The following LRIG1 variants were observed in gnomAD, a reference collection of about 807,000 sequenced individuals.
The protein encoded by LRIG1 is leucine rich repeats and immunoglobulin like domains 1.
Under a neutral mutation model 99.2 loss-of-function variants are expected in LRIG1, and 48 were observed. The ratio of observed to expected loss-of-function variants is 0.48; its 90% CI spans 0.38 to 0.62. The LOEUF (loss-of-function observed/expected upper bound fraction) is 0.62. Among genes scored for constraint, LRIG1 ranks in the 20% least tolerant of loss-of-function variants. The pLI is 0.00. For missense variants in LRIG1, 1,646 were observed against 1,434.4 expected (o/e 1.15, Z -2.38); for synonymous variants, 772 against 596.1 (o/e 1.29, Z -4.30).
intron 11 of LRIG1, among the ~76,000 whole-genome samples, chr3:66,394,516 A>G (rs897893237): frequency 7.9e-5 from 12 of 152,136 alleles, no homozygotes; most frequent in Non-Finnish European, 2.9e-5. Context: ...AGCAACGTGG[A>G]GCTTATCCAT....
Position 66,404,548 on chromosome 3 carries a change from T to C in LRIG1, c.1160+650A>G. 4.0e-6 allele frequency: 2 copies of C among 504,938 alleles called. 1 individual carries two copies. Among genetic ancestry groups the C allele is most frequent in the South Asian group, 6.7e-5 (2 of 29,888 alleles). The allele number at this position is 504,938 out of a possible 1,614,324, so 31.3% of individuals were successfully genotyped here. On this transcript the variant is annotated intron_variant, in intron 9 of 18. Transcript: ENST00000273261. ...ACAAGCAAATCCTGAGCCTGCCACT[T>C]GCCAGCCGTGTAGTTTTGGGCGAAA...
At chr3:66,493,061 A>T (rs1701140916) in intron 1 of LRIG1, among the ~76,000 whole-genome samples, 1 of 151,330 alleles carries the variant, frequency 6.6e-6, no homozygotes, top group Non-Finnish European at 1.5e-5. Flanking sequence ...ACAACTCCAC[A>T]ATTGTCTCCT....
intron 4 of LRIG1, among the ~76,000 whole-genome samples, chr3:66,416,809 GA>G (rs1702628842): frequency 6.6e-6 from 1 of 152,338 alleles, no homozygotes; most frequent in East Asian, 1.9e-4. Context: ...AAGGAAATGG[GA>G]AAAAAAGCAG....
chr3:66,485,620 A>G (rs1019479320), intron 1 of LRIG1, among the ~76,000 whole-genome samples: 4 of 152,342 alleles, frequency 2.6e-5, no homozygotes, highest in South Asian at 4.1e-4. Context: ...TACTGTTTAT[A>G]AATAGTTTAC....
At chr3:66,417,461 C>A (rs926114319) in intron 3 of LRIG1, 195 bp from the exon 4 acceptor site, 3 of 613,074 alleles carry the variant, frequency 4.9e-6, no homozygotes, top group Non-Finnish European at 8.4e-6. Context: ...GATTTTCAAT[C>A]TGGGACAAGT....
At chr3:66,467,000 A>G (rs1700486662) in intron 1 of LRIG1, among the ~76,000 whole-genome samples, 1 of 152,230 alleles carries the variant, frequency 6.6e-6, no homozygotes, top group Non-Finnish European at 1.5e-5. Flanking sequence ...AACTGAGCCC[A>G]GCAATAGATG....
intron 13 of LRIG1, 28 bp from the exon 14 acceptor site, chr3:66,384,300 G>A (rs763486836): frequency 1.9e-6 from 3 of 1,593,490 alleles, no homozygotes; most frequent in South Asian, 1.1e-5. Context: ...ACAGGGTCGG[G>A]TTACGGGACA....
chr3:66,396,925 C>A (rs1241658430), intron 11 of LRIG1, among the ~76,000 whole-genome samples: 1 of 152,144 alleles, frequency 6.6e-6, no homozygotes, highest in African/African-American at 2.4e-5. Flanking sequence ...GGAATCATCT[C>A]CTCCCCTGCT....
At chr3:66,470,597 G>C (rs1349343907) in intron 1 of LRIG1, among the ~76,000 whole-genome samples, 1 of 152,126 alleles carries the variant, frequency 6.6e-6, no homozygotes, top group East Asian at 1.9e-4. Context: ...TTAAGTCAAG[G>C]GTTATATAAA....
intron 3 of LRIG1, among the ~76,000 whole-genome samples, chr3:66,443,374 G>A (rs1030667289): frequency 6.6e-6 from 1 of 151,456 alleles, no homozygotes; most frequent in Admixed American, 6.6e-5. Context: ...GAGGGGGTGT[G>A]TGTGTGCACA....
chr3:66,403,946 C>G (rs946092508), intron 9 of LRIG1, among the ~76,000 whole-genome samples: 1 of 152,200 alleles, frequency 6.6e-6, no homozygotes, highest in African/African-American at 2.4e-5. Flanking sequence ...CTGCCCCACC[C>G]CACTTGGTAC....
intron 15 of LRIG1, among the ~76,000 whole-genome samples, chr3:66,382,762 G>C (rs549784345): frequency 6.6e-6 from 1 of 152,186 alleles, no homozygotes. Context: ...TGGTGCGTCA[G>C]TTACTTGTAT....
At chr3:66,386,398 C>A (rs570565778) in intron 12 of LRIG1, 97 bp from the exon 13 acceptor site, 3 of 1,053,152 alleles carry the variant, frequency 2.8e-6, no homozygotes, top group South Asian at 1.5e-5. Context: ...AGACACCAAG[C>A]AGGAACCAGA....
intron 3 of LRIG1, among the ~76,000 whole-genome samples, chr3:66,450,374 C>T (rs1458465116): frequency 2.6e-5 from 4 of 152,174 alleles, no homozygotes; most frequent in African/African-American, 9.7e-5. Flanking sequence ...CTCCCCCGGG[C>T]CTCACTTTCC....
chr3:66,381,022 G>C, intron 17 of LRIG1, 161 bp from the exon 18 acceptor site: 1 of 695,698 alleles, frequency 1.4e-6, no homozygotes. Flanking sequence ...CCAGAGAAAG[G>C]ACTGGGCAAA....
At position 66,500,345 on chromosome 3, in the gene LRIG1, G is replaced by C. The variant is rs1406826201; in HGVS notation, c.63C>G (p.Leu21=). Residue 21 remains leucine, a synonymous_variant, in exon 1 of 19, where the codon CTC becomes CTG. Transcript: ENST00000273261. ...GCTCCAGCCGAAGCAAAAGCAGCCA[G>C]AGAAGGAGAAGGCAAGGCGAGCGGC... ...APRRSPCLLL[L]WLLLLRLEPV... 5 of 1,494,902 alleles carry C rather than the reference G, an allele frequency of 3.3e-6. No homozygotes were observed. Among genetic ancestry groups the C allele is most frequent in the Non-Finnish European group, 4.4e-6 (5 of 1,127,988 alleles). 92.6% of individuals were successfully genotyped at this position (1,494,902 alleles called of 1,614,324 possible).
At chr3:66,390,625 G>C (rs1210742703) in intron 12 of LRIG1, among the ~76,000 whole-genome samples, 1 of 152,026 alleles carries the variant, frequency 6.6e-6, no homozygotes, top group African/African-American at 2.4e-5. Flanking sequence ...AAAATTGTAA[G>C]GAAATGGCAA....
At chr3:66,429,802 G>T (rs1468888299) in intron 3 of LRIG1, among the ~76,000 whole-genome samples, 1 of 152,076 alleles carries the variant, frequency 6.6e-6, no homozygotes, top group Non-Finnish European at 1.5e-5. Context: ...GTGTGTGTGT[G>T]TGTGTGTGAG....
chr3:66,382,186 C>A, intron 16 of LRIG1, 87 bp downstream of exon 16: 1 of 1,513,994 alleles, frequency 6.6e-7, no homozygotes. Context: ...ATGCCAGGTA[C>A]CTGCCCTGTA....
Sources: allele counts gnomAD v4.1 joint callset (sites outside exome capture counted in the v4.1 genomes callset), GRCh38; gene constraint gnomAD v4.1.1; transcripts MANE v1.5; gene names NCBI Gene and HGNC (gene_info 2026-07-23, HGNC 2026-07-21).